GPC6: variants seen among roughly 807,000 people sequenced by gnomAD.
GPC6 encodes glypican 6, also known as glypican-6.
GPC6 carries 14 observed loss-of-function variants against 55.2 expected under a neutral mutation model. The observed-to-expected ratio is 0.25, with a 90% CI of 0.17 to 0.40. The LOEUF (loss-of-function observed/expected upper bound fraction) is 0.40. Among genes scored for constraint, GPC6 ranks in the 10% least tolerant of loss-of-function variants. The pLI is 1.00. For missense variants in GPC6, 641 were observed against 708.5 expected (o/e 0.90, Z 1.08); for synonymous variants, 278 against 259.6 (o/e 1.07, Z -0.68).
chr13:93,576,121 C>A (rs1164541755), intron 2 of GPC6, among the ~76,000 whole-genome samples: 2 of 152,016 alleles, frequency 1.3e-5, no homozygotes, highest in Non-Finnish European at 2.9e-5. Context: ...AACATGAATG[C>A]AATTGTCTCT....
In GPC6 at chr13:93,784,554, G is replaced by C. The variant is rs74604320; in HGVS notation, c.320-45600G>C. On this transcript the variant is annotated intron_variant, in intron 2 of 8. Coordinates refer to ENST00000377047, the MANE Select transcript of GPC6 (RefSeq NM_005708.5). ...CACCTAGCCTTCAGCTTATTTCTCA[G>C]ATGCAGAAGTACATTTCTAAGGCCG... 4.9e-3 allele frequency among the ~76,000 whole-genome samples: 740 copies of C among 152,264 alleles called. 2 individuals carry two copies. Among genetic ancestry groups the C allele is most frequent in the Non-Finnish European group, 8.2e-3 (556 of 68,026 alleles).
intron 3 of GPC6, among the ~76,000 whole-genome samples, chr13:93,955,243 GCACACACACA>G (rs10524254): frequency 0.02 from 2,712 of 136,248 alleles, 78 homozygotes; most frequent in African/African-American, 0.062. Flanking sequence ...GAATGAACAT[GCACACACACA>G]CACACACACA....
intron 3 of GPC6, among the ~76,000 whole-genome samples, chr13:93,885,673 A>G (rs1435762018): frequency 2.6e-5 from 4 of 152,182 alleles, no homozygotes; most frequent in African/African-American, 7.2e-5. Flanking sequence ...CATGAGGTTT[A>G]TGGTAATTCA....
intron 4 of GPC6, among the ~76,000 whole-genome samples, chr13:94,073,600 T>A (rs1160710619): frequency 1.3e-5 from 2 of 151,696 alleles, no homozygotes; most frequent in Non-Finnish European, 2.9e-5. Context: ...TAGAAAAGAG[T>A]CATTGTGGAT....
At chr13:94,352,730 A>G (rs771472543) in intron 6 of GPC6, among the ~76,000 whole-genome samples, 5 of 152,142 alleles carry the variant, frequency 3.3e-5, no homozygotes, top group Non-Finnish European at 7.4e-5. Flanking sequence ...ACCTTATTGA[A>G]CTATCCTTAA....
chr13:93,773,689 T>A (rs554367727), intron 2 of GPC6, among the ~76,000 whole-genome samples: 1 of 152,124 alleles, frequency 6.6e-6, no homozygotes, highest in Admixed American at 6.6e-5. Context: ...CAACTCCTTT[T>A]CAAAATATTA....
intron 3 of GPC6, among the ~76,000 whole-genome samples, chr13:93,938,420 T>C (rs1322951639): frequency 2.0e-5 from 3 of 152,338 alleles, no homozygotes; most frequent in East Asian, 1.9e-4. Flanking sequence ...TTTCATAAAT[T>C]AATATTCATA....
intron 6 of GPC6, among the ~76,000 whole-genome samples, chr13:94,368,653 G>GA (rs144083425): frequency 0.19 from 28,862 of 150,144 alleles, 3,589 homozygotes; most frequent in Middle Eastern, 0.32. Context: ...GGCCATGTCA[G>GA]AAAAAAAAAA....
chr13:94,267,952 A>T (rs570267235), intron 4 of GPC6, among the ~76,000 whole-genome samples: 1 of 152,356 alleles, frequency 6.6e-6, no homozygotes, highest in Non-Finnish European at 1.5e-5. Context: ...GTGTAGAAGA[A>T]ATATGAAAGA....
At chr13:93,249,954 A>G (rs1335712631) in intron 1 of GPC6, among the ~76,000 whole-genome samples, 4 of 152,258 alleles carry the variant, frequency 2.6e-5, no homozygotes, top group African/African-American at 9.6e-5. Context: ...TTGATGGGTA[A>G]CAGGAGAAAA....
At chr13:93,573,280 C>T (rs756807816) in intron 2 of GPC6, among the ~76,000 whole-genome samples, 4 of 151,572 alleles carry the variant, frequency 2.6e-5, no homozygotes, top group African/African-American at 2.4e-5. Flanking sequence ...TTAAAAAAAA[C>T]AGAAAGGGAA....
chr13:94,273,030 C>G (rs1437577439), intron 4 of GPC6, among the ~76,000 whole-genome samples: 1 of 152,056 alleles, frequency 6.6e-6, no homozygotes, highest in Non-Finnish European at 1.5e-5. Context: ...TCCACATAAA[C>G]TTTGTGAGGA....
At chr13:94,150,966 T>C (rs192818572) in intron 4 of GPC6, among the ~76,000 whole-genome samples, 27 of 151,906 alleles carry the variant, frequency 1.8e-4, no homozygotes, top group Non-Finnish European at 3.5e-4. Context: ...CAAATATAAA[T>C]TTCCCTCCTA....
At chr13:94,142,846 T>G (rs1887433853) in intron 4 of GPC6, among the ~76,000 whole-genome samples, 1 of 152,042 alleles carries the variant, frequency 6.6e-6, no homozygotes, top group South Asian at 2.1e-4. Flanking sequence ...TTTTTTCTTT[T>G]TGAGACTGAG....
intron 1 of GPC6, among the ~76,000 whole-genome samples, chr13:93,265,902 T>C (rs1877308088): frequency 6.6e-6 from 1 of 152,074 alleles, no homozygotes; most frequent in Non-Finnish European, 1.5e-5. Context: ...CAGCTCTCAA[T>C]TTTTAGGCAT....
At chr13:93,826,825 A>C (rs1186686830) in intron 2 of GPC6, among the ~76,000 whole-genome samples, 2 of 152,108 alleles carry the variant, frequency 1.3e-5, no homozygotes, top group Non-Finnish European at 2.9e-5. Flanking sequence ...GCCCCTTAAG[A>C]GGTCTCTCCA....
At chr13:93,802,894 A>G (rs917308640) in intron 2 of GPC6, among the ~76,000 whole-genome samples, 1 of 152,210 alleles carries the variant, frequency 6.6e-6, no homozygotes, top group Non-Finnish European at 1.5e-5. Flanking sequence ...TTTGTCAATT[A>G]AGAGTTTTCT....
At chr13:93,775,015 A>T (rs1175093365) in intron 2 of GPC6, among the ~76,000 whole-genome samples, 1 of 152,190 alleles carries the variant, frequency 6.6e-6, no homozygotes, top group Non-Finnish European at 1.5e-5. Context: ...CAAGAGAAAA[A>T]GGAGCAAACA....
At chr13:94,090,206 A>G (rs1027120856) in intron 4 of GPC6, among the ~76,000 whole-genome samples, 2 of 152,122 alleles carry the variant, frequency 1.3e-5, no homozygotes, top group Non-Finnish European at 2.9e-5. Flanking sequence ...GTGCAGGGGA[A>G]CTGCCCTTTA....
Sources: gnomAD v4.1 joint callset for allele counts (sites outside exome capture counted in the v4.1 genomes callset) on GRCh38, gnomAD v4.1.1 for gene constraint, MANE v1.5 for transcripts, NCBI Gene and HGNC (gene_info 2026-07-23, HGNC 2026-07-21) for gene names.